The following PAK5 variants were observed in gnomAD, a reference collection of about 807,000 sequenced individuals.
The protein encoded by PAK5 is serine/threonine-protein kinase PAK 5.
PAK5 carries 16 observed loss-of-function variants against 65.9 expected under a neutral mutation model. The ratio of observed to expected loss-of-function variants is 0.24; its 90% confidence interval spans 0.16 to 0.37. PAK5 has a LOEUF of 0.37. Among genes scored for constraint, PAK5 ranks in the 10% least tolerant of loss-of-function variants. PAK5 has a pLI of 1.00. For synonymous variants in PAK5, 371 were observed against 354.9 expected, an observed-to-expected ratio of 1.05 and a Z score of -0.51; for missense variants, 785 against 903.9, an observed-to-expected ratio of 0.87 and a Z score of 1.69.
At chr20:9,755,179 C>A (rs1040171541) in intron 1 of PAK5, among the ~76,000 whole-genome samples, 14 of 152,138 alleles carry the variant, frequency 9.2e-5, no homozygotes, top group African/African-American at 3.4e-4. Context: ...GCAGTTAAAT[C>A]CTACTGAAAT....
intron 1 of PAK5, among the ~76,000 whole-genome samples, chr20:9,832,743 T>C (rs772829260): frequency 9.2e-5 from 14 of 152,262 alleles, no homozygotes; most frequent in Non-Finnish European, 1.6e-4. Flanking sequence ...CTCATTGTTA[T>C]TTTAATTTGC....
At chr20:9,542,177 T>G (rs1242854403) in intron 9 of PAK5, among the ~76,000 whole-genome samples, 2 of 152,198 alleles carry the variant, frequency 1.3e-5, no homozygotes, top group African/African-American at 4.8e-5. Context: ...TGTTTATGGT[T>G]TACTATCTGT....
chr20:9,717,976 A>G (rs1450550639), intron 1 of PAK5, among the ~76,000 whole-genome samples: 2 of 151,996 alleles, frequency 1.3e-5, no homozygotes, highest in Non-Finnish European at 2.9e-5. Context: ...TATATTGGGG[A>G]TGTTGGAAAT....
chr20:9,760,700 A>G (rs1486556745), intron 1 of PAK5, among the ~76,000 whole-genome samples: 1 of 110,588 alleles, frequency 9.0e-6, no homozygotes, highest in African/African-American at 3.6e-5. Flanking sequence ...TAGACAGAGT[A>G]TTACTTTGTC....
At chr20:9,600,156 C>G (rs1040751724) in intron 3 of PAK5, among the ~76,000 whole-genome samples, 8 of 152,112 alleles carry the variant, frequency 5.3e-5, no homozygotes, top group African/African-American at 1.9e-4. Flanking sequence ...AGCATCTGAC[C>G]TCATATGTGA....
chr20:9,641,777 C>A (rs867621215), intron 3 of PAK5, among the ~76,000 whole-genome samples: 1 of 152,138 alleles, frequency 6.6e-6, no homozygotes, highest in Non-Finnish European at 1.5e-5. Context: ...AGCACAGCGC[C>A]GGTGGGCCGG....
At chr20:9,641,638 G>C (rs1323208665) in intron 3 of PAK5, among the ~76,000 whole-genome samples, 2 of 152,000 alleles carry the variant, frequency 1.3e-5, no homozygotes, top group Admixed American at 6.6e-5. Flanking sequence ...TGTGGAGCAG[G>C]GGGTGGTGCT....
chr20:9,616,806 G>A (rs925825450), intron 3 of PAK5, among the ~76,000 whole-genome samples: 1 of 152,218 alleles, frequency 6.6e-6, no homozygotes, highest in Non-Finnish European at 1.5e-5. Context: ...AGAAGTCCAG[G>A]GGTGGGTAGT....
intron 2 of PAK5, among the ~76,000 whole-genome samples, chr20:9,676,995 T>A (rs1446262889): frequency 6.6e-6 from 1 of 151,490 alleles, no homozygotes; most frequent in African/African-American, 2.4e-5. Flanking sequence ...CAGAGGAAAA[T>A]AAATATGTTT....
chr20:9,829,112 G>C (rs1434645678), intron 1 of PAK5, among the ~76,000 whole-genome samples: 2 of 152,208 alleles, frequency 1.3e-5, no homozygotes, highest in Non-Finnish European at 2.9e-5. Context: ...GTTTAAAAAT[G>C]TAAGTTAAAT....
chr20:9,752,929 C>T (rs2123622782), intron 1 of PAK5, among the ~76,000 whole-genome samples: 1 of 152,258 alleles, frequency 6.6e-6, no homozygotes, highest in Non-Finnish European at 1.5e-5. Flanking sequence ...AGGCTTGCAG[C>T]TTCCACCCTC....
intron 1 of PAK5, among the ~76,000 whole-genome samples, chr20:9,798,309 G>C (rs567959174): frequency 4.6e-5 from 7 of 152,102 alleles, no homozygotes; most frequent in African/African-American, 1.7e-4. Context: ...GGAAATCCTA[G>C]AGCAAATTTG....
intron 5 of PAK5, among the ~76,000 whole-genome samples, chr20:9,564,531 G>A (rs2045641616): frequency 6.6e-6 from 1 of 152,190 alleles, no homozygotes; most frequent in African/African-American, 2.4e-5. Flanking sequence ...TCTAGCAGAT[G>A]AACAGAGATA....
At chr20:9,715,576 G>T (rs1244772605) in intron 1 of PAK5, among the ~76,000 whole-genome samples, 1 of 151,978 alleles carries the variant, frequency 6.6e-6, no homozygotes, top group East Asian at 1.9e-4. Context: ...AAATCATGCT[G>T]CTATAAAGAC....
intron 1 of PAK5, among the ~76,000 whole-genome samples, chr20:9,727,519 A>T (rs2048289916): frequency 6.6e-6 from 1 of 152,212 alleles, no homozygotes; most frequent in Non-Finnish European, 1.5e-5. Flanking sequence ...AGTATCTGTC[A>T]GTAGATTGTG....
chr20:9,724,465 T>A (rs2048253210), intron 1 of PAK5, among the ~76,000 whole-genome samples: 1 of 152,162 alleles, frequency 6.6e-6, no homozygotes, highest in Non-Finnish European at 1.5e-5. Flanking sequence ...TTCGTGGACA[T>A]TATGGGCTTG....
At chr20:9,550,662 A>G (rs994515137) in intron 7 of PAK5, among the ~76,000 whole-genome samples, 14 of 152,180 alleles carry the variant, frequency 9.2e-5, no homozygotes, top group African/African-American at 3.4e-4. Flanking sequence ...ATTTTTAAAA[A>G]GAATCTAGCC....
At chr20:9,663,993 C>T (rs2047379849) in intron 2 of PAK5, among the ~76,000 whole-genome samples, 1 of 152,060 alleles carries the variant, frequency 6.6e-6, no homozygotes, top group Non-Finnish European at 1.5e-5. Flanking sequence ...TGGAAAAGTT[C>T]AATGAATTCC....
At chr20:9,744,970 T>A (rs1032933073) in intron 1 of PAK5, among the ~76,000 whole-genome samples, 1 of 152,186 alleles carries the variant, frequency 6.6e-6, no homozygotes, top group Non-Finnish European at 1.5e-5. Context: ...GCTGAAAAAA[T>A]TTTAACAACA....
Sources: allele counts gnomAD v4.1 joint callset (sites outside exome capture counted in the v4.1 genomes callset), GRCh38; gene constraint gnomAD v4.1.1; transcripts MANE v1.5; gene names NCBI Gene and HGNC (gene_info 2026-07-23, HGNC 2026-07-21).